The following TBC1D1 variants were observed in gnomAD, a reference collection of about 807,000 sequenced individuals.
TBC1D1 encodes TBC1 (tre-2/USP6, BUB2, cdc16) domain family, member 1.
A neutral mutation model predicts 125.6 loss-of-function variants in TBC1D1; 89 were observed. The observed-to-expected ratio is 0.71, with a 90% CI of 0.60 to 0.85. The LOEUF (loss-of-function observed/expected upper bound fraction) is 0.85, where lower values mean the gene tolerates loss of function less well. TBC1D1 is among the 40% of genes least tolerant of loss of function. The pLI is 0.00. For missense variants in TBC1D1, 1,377 were observed against 1,469.2 expected (o/e 0.94, Z 1.03); for synonymous variants, 565 against 564.1 (o/e 1.00, Z -0.02).
chr4:38,138,325 T>C lies in TBC1D1; in HGVS notation c.*990T>C, dbSNP rs1349574100. On this transcript the variant is annotated 3_prime_UTR_variant, in exon 20 of 20. Transcript: ENST00000261439. ...GTTTCATACCCATACTATAGAGTCA[T>C]GTATTTATTTTTGCCTGTTGTGTGA... The C allele has an allele frequency of 6.6e-6, 1 of 152,212 alleles. No individual in the cohort carries two copies. Among genetic ancestry groups the C allele is most frequent in the Non-Finnish European group, 1.5e-5 (1 of 68,042 alleles). 9.4% of individuals were successfully genotyped at this position (152,212 alleles called of 1,614,324 possible). A position where few individuals can be genotyped will look rare whatever the true frequency, so the allele number is the denominator to read the frequency against.
rs150067466 is a variant in TBC1D1 at position 37,968,722 on chromosome 4, C to T, written c.418-45787C>T. On this transcript the variant is annotated intron_variant, in intron 2 of 19. Coordinates refer to ENST00000261439, the MANE Select transcript of TBC1D1 (RefSeq NM_015173.4). ...GTCACCTGAAGATTCATCTTGAATC[C>T]GGCATGATTTAAAATGTGAGTGTGG... 2.8e-4 allele frequency among the ~76,000 whole-genome samples: 43 copies of T among 152,198 alleles called. 1 individual carries two copies. In the East Asian group the frequency reaches 4.8e-3, roughly 17 times the overall value.
intron 2 of TBC1D1, among the ~76,000 whole-genome samples, chr4:37,986,686 T>G (rs4832977): frequency 0.096 from 14,672 of 152,184 alleles, 1,483 homozygotes; most frequent in East Asian, 0.54. Context: ...CCTCAAGTGA[T>G]CTGCCTGCCT....
At chr4:37,925,455 C>T (rs1242750379) in intron 2 of TBC1D1, among the ~76,000 whole-genome samples, 1 of 152,088 alleles carries the variant, frequency 6.6e-6, no homozygotes, top group Non-Finnish European at 1.5e-5. Flanking sequence ...TGGTGGCTTA[C>T]GCCTGTAATC....
rs184101389 is a variant in TBC1D1 at position 38,117,962 on chromosome 4, T to C, written c.2803-71T>C. 5,470 of 1,411,628 alleles carry C rather than the reference T, an allele frequency of 3.9e-3. 8 individuals are homozygous for C. The highest frequency in any genetic ancestry group is 4.7e-3 in the Non-Finnish European group (4,726 of 1,010,876). The allele number at this position is 1,411,628 out of a possible 1,614,324, so 87.4% of individuals were successfully genotyped here. ...TAAGTCTTCTCTTACACCCACCCTG[T>C]GAGCAGTAGGCATAACTTTATTGCT... On this transcript the variant is annotated intron_variant, in intron 16 of 19. Transcript: ENST00000261439.
chr4:38,061,816 A>G (rs1162342129), intron 12 of TBC1D1, among the ~76,000 whole-genome samples: 2 of 152,236 alleles, frequency 1.3e-5, no homozygotes, highest in Non-Finnish European at 2.9e-5. Context: ...ACCAATTTAT[A>G]TTATTGTGAA....
At chr4:37,909,020 C>T (rs1049446745) in intron 2 of TBC1D1, among the ~76,000 whole-genome samples, 1 of 152,194 alleles carries the variant, frequency 6.6e-6, no homozygotes, top group African/African-American at 2.4e-5. Context: ...GAGACTGAAC[C>T]GTGTGGGCTC....
chr4:38,026,319 C>A (rs1745074916), intron 6 of TBC1D1, among the ~76,000 whole-genome samples: 1 of 152,244 alleles, frequency 6.6e-6, no homozygotes, highest in African/African-American at 2.4e-5. Context: ...AGGTTGTGGG[C>A]TCTGCCTCAG....
At chr4:38,121,366 C>T (rs1019021228) in intron 17 of TBC1D1, among the ~76,000 whole-genome samples, 3 of 152,208 alleles carry the variant, frequency 2.0e-5, no homozygotes, top group South Asian at 2.1e-4. Context: ...TACACAGTAA[C>T]GCAATAAGAG....
chr4:38,021,901 T>G (rs936879399), intron 6 of TBC1D1, among the ~76,000 whole-genome samples, 183 bp downstream of exon 6: 2 of 152,210 alleles, frequency 1.3e-5, no homozygotes, highest in African/African-American at 4.8e-5. Context: ...TGCCGGATGC[T>G]GGTGATACAA....
chr4:38,084,160 T>A (rs543819706), intron 12 of TBC1D1, among the ~76,000 whole-genome samples: 5 of 152,284 alleles, frequency 3.3e-5, no homozygotes, highest in Admixed American at 3.3e-4. Context: ...GGTCTCGATC[T>A]CCTGACCTCA....
rs545524934 is a variant in TBC1D1 at position 37,995,735 on chromosome 4, C to G, written c.418-18774C>G. 1.9e-6 allele frequency: 1 copy of G among 528,212 alleles called. No homozygotes were observed. The highest frequency in any genetic ancestry group is 1.9e-5 in the African/African-American group (1 of 52,114). 32.7% of individuals were successfully genotyped at this position (528,212 alleles called of 1,614,324 possible). On this transcript the variant is annotated intron_variant, in intron 2 of 19. Coordinates refer to ENST00000261439, the MANE Select transcript of TBC1D1 (RefSeq NM_015173.4). This position sits in a 1 kb window ranked among gnomAD's most constrained non-coding sequence, Gnocchi z 4.3. Reference sequence around the variant, plus strand: ...AAGTATTTGGAAATGGTTGTCTGGACGGCTTGCACTTTGGTCTTAACTGCA... The same window carrying G: ...AAGTATTTGGAAATGGTTGTCTGGAGGGCTTGCACTTTGGTCTTAACTGCA...
intron 2 of TBC1D1, among the ~76,000 whole-genome samples, chr4:38,009,358 C>G (rs1741002818): frequency 6.6e-6 from 1 of 152,130 alleles, no homozygotes; most frequent in Non-Finnish European, 1.5e-5. Context: ...GGGAAAAATG[C>G]TAGAATTTTA....
At chr4:38,066,089 C>T (rs1306931240) in intron 12 of TBC1D1, among the ~76,000 whole-genome samples, 4 of 152,074 alleles carry the variant, frequency 2.6e-5, no homozygotes, top group South Asian at 2.1e-4. Flanking sequence ...AGTAATGAAC[C>T]GTTGACAGTT....
Position 37,915,147 on chromosome 4 carries a change from G to T in TBC1D1, c.417+12635G>T, listed in dbSNP as rs1437486328. On this transcript the variant is annotated intron_variant, in intron 2 of 19. Coordinates refer to ENST00000261439, the MANE Select transcript of TBC1D1 (RefSeq NM_015173.4). Reference sequence around the variant, plus strand: ...GCCTGGCACATAGTAGATACTTCATGAATGAATGAATGAATGTTACCTTTT... The same window carrying T: ...GCCTGGCACATAGTAGATACTTCATTAATGAATGAATGAATGTTACCTTTT... Among the ~76,000 whole-genome samples, 3 of 152,176 alleles carry T rather than the reference G, an allele frequency of 2.0e-5. No homozygotes were observed. The East Asian group carries it at 5.8e-4, about 29-fold the overall frequency.
intron 15 of TBC1D1, chr4:38,112,118 T>G (rs1474275913): frequency 1.5e-5 from 15 of 977,762 alleles, no homozygotes; most frequent in Non-Finnish European, 1.8e-5. Flanking sequence ...ACAAGAGATT[T>G]GAAAGTGTGG....
intron 1 of TBC1D1, among the ~76,000 whole-genome samples, chr4:37,900,038 G>A (rs542325257): frequency 5.9e-4 from 89 of 151,874 alleles, no homozygotes; most frequent in African/African-American, 2.1e-3. Context: ...GGAGAATGGC[G>A]CGAACCCGGG....
chr4:38,062,281 TC>T (rs1161464780), intron 12 of TBC1D1, among the ~76,000 whole-genome samples: 1 of 152,070 alleles, frequency 6.6e-6, no homozygotes, highest in East Asian at 1.9e-4. Context: ...TTTTTTTTTT[TC>T]CCTGCGTGTT....
At chr4:37,951,383 C>T (rs953584523) in intron 2 of TBC1D1, among the ~76,000 whole-genome samples, 9 of 152,094 alleles carry the variant, frequency 5.9e-5, no homozygotes, top group Non-Finnish European at 1.2e-4. Context: ...TCTCTACTTT[C>T]CTATTTGACA....
intron 2 of TBC1D1, among the ~76,000 whole-genome samples, chr4:38,007,348 G>A (rs1402094639): frequency 1.3e-5 from 2 of 152,196 alleles, no homozygotes; most frequent in East Asian, 3.9e-4. Context: ...TGCCTCCCGG[G>A]TTCAAGCAGT....
Sources: gnomAD v4.1 joint callset for allele counts (sites outside exome capture counted in the v4.1 genomes callset) on GRCh38, gnomAD v4.1.1 for gene constraint, Gnocchi (gnomAD v3.1) non-coding constraint, MANE v1.5 for transcripts, NCBI Gene and HGNC (gene_info 2026-07-23, HGNC 2026-07-21) for gene names.